Variants in VANGL2 observed in about 807,000 individuals in gnomAD.
VANGL2 encodes the protein vang-like protein 2.
A neutral mutation model predicts 50.2 loss-of-function variants in VANGL2; 14 were observed. That is an observed-to-expected ratio of 0.28 (90% confidence interval 0.18 to 0.44). The LOEUF is 0.44. Among genes scored for constraint, VANGL2 ranks in the 20% least tolerant of loss-of-function variants. VANGL2 has a pLI of 1.00. For synonymous variants in VANGL2, 295 were observed against 297.2 expected (o/e 0.99, Z 0.08); for missense variants, 533 against 701.5 (o/e 0.76, Z 2.71).
rs1452901448 is a variant in VANGL2, at chr1:160,425,546, A to C, written c.*168A>C. On this transcript the variant is annotated 3_prime_UTR_variant, in exon 8 of 8. Transcript: ENST00000368061. The stretch of plus-strand genomic sequence containing the variant: ...TCTCTCCTCGCTTCTTCCTTATTTT[A>C]CCCCATGTGAACCTGGAGAGACCAT... The C allele has an allele frequency of 6.1e-5, 43 of 701,940 alleles. No homozygotes were observed. The East Asian group carries it at 8.5e-4, about 14-fold the overall frequency. 43.5% of individuals were successfully genotyped at this position (701,940 alleles called of 1,614,324 possible).
chr1:160,421,222 T>A (rs1259465268), intron 6 of VANGL2, 35 bp downstream of exon 6: 1 of 1,607,634 alleles, frequency 6.2e-7, no homozygotes, highest in Non-Finnish European at 8.5e-7. Context: ...GAGGAGGTGC[T>A]TGTTGGGTGA....
At chr1:160,408,483 C>T (rs560699075) in intron 1 of VANGL2, among the ~76,000 whole-genome samples, 2 of 152,142 alleles carry the variant, frequency 1.3e-5, no homozygotes, top group Non-Finnish European at 2.9e-5. Flanking sequence ...CCTTCCCCTG[C>T]GGTGCACCCT....
intron 1 of VANGL2, among the ~76,000 whole-genome samples, chr1:160,401,405 G>A (rs1010698183): frequency 6.6e-6 from 1 of 152,130 alleles, no homozygotes; most frequent in African/African-American, 2.4e-5. Flanking sequence ...ACAGACCGAG[G>A]ATGGGGCTGG....
chr1:160,407,471 T>C (rs145194562), intron 1 of VANGL2, among the ~76,000 whole-genome samples: 165 of 152,260 alleles, frequency 1.1e-3, no homozygotes, highest in African/African-American at 3.8e-3. Context: ...CCCCCATATG[T>C]TCTTCCCTCA....
At chr1:160,408,892 C>T (rs1296184227) in intron 1 of VANGL2, among the ~76,000 whole-genome samples, 1 of 152,232 alleles carries the variant, frequency 6.6e-6, no homozygotes, top group African/African-American at 2.4e-5. Flanking sequence ...CCACTCTGTA[C>T]CTTAGTCTTT....
intron 6 of VANGL2, among the ~76,000 whole-genome samples, chr1:160,421,924 A>G (rs547335526): frequency 1.3e-5 from 2 of 152,292 alleles, no homozygotes; most frequent in Admixed American, 1.3e-4. Flanking sequence ...TTTATTGCCT[A>G]TATTTTGGTA....
chr1:160,410,720 C>T (rs1273611855), intron 1 of VANGL2, among the ~76,000 whole-genome samples: 1 of 151,680 alleles, frequency 6.6e-6, no homozygotes, highest in African/African-American at 2.4e-5. Flanking sequence ...ACGCACTACT[C>T]TAGGGCCCTG....
chr1:160,410,247 A>C (rs1650827792), intron 1 of VANGL2, among the ~76,000 whole-genome samples: 1 of 151,962 alleles, frequency 6.6e-6, no homozygotes, highest in Admixed American at 6.5e-5. Context: ...GTCTTTTAAA[A>C]ATCAAACCCA....
intron 3 of VANGL2, among the ~76,000 whole-genome samples, chr1:160,418,320 T>G (rs932852557): frequency 1.3e-5 from 2 of 152,102 alleles, no homozygotes; most frequent in African/African-American, 4.8e-5. Context: ...AGGTTCCGCC[T>G]TTCTAACAAG....
rs1243248992 is a variant in VANGL2 at position 160,428,233 on chromosome 1, A to G, written c.*2855A>G. On this transcript the variant is annotated 3_prime_UTR_variant, in exon 8 of 8. Coordinates refer to ENST00000368061, the MANE Select transcript of VANGL2 (RefSeq NM_020335.3). ...TTCCCAGGGTTCGTACTTCTCCTCC[A>G]TTGGTCCCAGGCTAACTCCCCTGTT... The G allele has an allele frequency of 6.6e-6, 1 of 152,340 alleles. No homozygotes were observed. Among genetic ancestry groups the G allele is most frequent in the African/African-American group, 2.4e-5 (1 of 41,272 alleles). 9.4% of individuals were successfully genotyped at this position (152,340 alleles called of 1,614,324 possible). A position where few individuals can be genotyped will look rare whatever the true frequency, so the allele number is the denominator to read the frequency against.
intron 4 of VANGL2, among the ~76,000 whole-genome samples, chr1:160,420,091 A>G (rs1234972634): frequency 6.6e-6 from 1 of 152,044 alleles, no homozygotes; most frequent in Non-Finnish European, 1.5e-5. Flanking sequence ...CACACAGAAT[A>G]TCAGTGGCAC....
intron 1 of VANGL2, among the ~76,000 whole-genome samples, chr1:160,406,792 G>A (rs1013287400): frequency 1.3e-5 from 2 of 151,636 alleles, no homozygotes; most frequent in African/African-American, 2.4e-5. Flanking sequence ...GCAATGGCGC[G>A]ATCTTGGCTC....
In VANGL2 at chr1:160,425,505, T is replaced by A; in HGVS notation, c.*127T>A. On this transcript the variant is annotated 3_prime_UTR_variant, in exon 8 of 8. Coordinates refer to ENST00000368061, the MANE Select transcript of VANGL2 (RefSeq NM_020335.3). Reference sequence around the variant, plus strand: ...CTTGCTCTTTTTTTTTTACTTGAATTAACGCACCCCCACCTTCTCTCCTCG... The same window carrying A: ...CTTGCTCTTTTTTTTTTACTTGAATAAACGCACCCCCACCTTCTCTCCTCG... 1.1e-6 allele frequency: 1 copy of A among 885,724 alleles called. No individual in the cohort carries two copies. The highest frequency in any genetic ancestry group is 1.7e-6 in the Non-Finnish European group (1 of 596,858). The allele number at this position is 885,724 out of a possible 1,614,324, so 54.9% of individuals were successfully genotyped here.
At chr1:160,422,991 C>T (rs1222315359) in intron 6 of VANGL2, among the ~76,000 whole-genome samples, 9 of 151,756 alleles carry the variant, frequency 5.9e-5, no homozygotes, top group Middle Eastern at 3.2e-3. Context: ...CTGCAACCTC[C>T]GCCTCCTGGG....
At chr1:160,420,812 C>G (rs1651245411) in intron 5 of VANGL2, among the ~76,000 whole-genome samples, 2 of 152,212 alleles carry the variant, frequency 1.3e-5, no homozygotes, top group Admixed American at 1.3e-4. Flanking sequence ...GCTCTCGGAG[C>G]TGCAGAACCC....
intron 3 of VANGL2, among the ~76,000 whole-genome samples, chr1:160,418,506 A>C (rs1042964023): frequency 6.6e-6 from 1 of 151,562 alleles, no homozygotes; most frequent in Non-Finnish European, 1.5e-5. Context: ...TCCAATAATT[A>C]GCATTATTTT....
intron 5 of VANGL2, among the ~76,000 whole-genome samples, 156 bp from the exon 6 acceptor site, chr1:160,420,896 C>T (rs1651248861): frequency 1.3e-5 from 2 of 152,162 alleles, no homozygotes; most frequent in Non-Finnish European, 2.9e-5. Context: ...TATGGCCTCT[C>T]CCAGAGGTGG....
At position 160,418,167 on chromosome 1, in the gene VANGL2, C is replaced by T. The variant is rs192479392; in HGVS notation, c.193-835C>T. Among the ~76,000 whole-genome samples the T allele has an allele frequency of 2.1e-3, 319 of 152,230 alleles. 2 individuals are homozygous for T. In the East Asian group the frequency reaches 0.024, roughly 12 times the overall value. On this transcript the variant is annotated intron_variant, in intron 3 of 7. Coordinates refer to ENST00000368061, the MANE Select transcript of VANGL2 (RefSeq NM_020335.3). Reference sequence around the variant, plus strand: ...AACTCCCGACCTCAGGCGATCTGCCCACCTCGGCCTCCCAAAGTGCTGGGA... The same window carrying T: ...AACTCCCGACCTCAGGCGATCTGCCTACCTCGGCCTCCCAAAGTGCTGGGA...
chr1:160,412,969 G>A (rs1462794992), intron 1 of VANGL2, among the ~76,000 whole-genome samples: 1 of 152,206 alleles, frequency 6.6e-6, no homozygotes, highest in Non-Finnish European at 1.5e-5. Context: ...TGCTGTACAG[G>A]TTTGTAGCCT....
Sources: gnomAD v4.1 joint callset for allele counts (sites outside exome capture counted in the v4.1 genomes callset) on GRCh38, gnomAD v4.1.1 for gene constraint, MANE v1.5 for transcripts, NCBI Gene and HGNC (gene_info 2026-07-23, HGNC 2026-07-21) for gene names.